Variants in TRIM23 observed in about 807,000 individuals in gnomAD.
TRIM23 encodes tripartite motif containing 23.
A neutral mutation model predicts 71.0 loss-of-function variants in TRIM23; 27 were observed. The observed-to-expected ratio is 0.38, with a 90% CI of 0.28 to 0.52. The LOEUF (loss-of-function observed/expected upper bound fraction) is 0.52, where lower values mean the gene tolerates loss of function less well. TRIM23 is among the 20% of genes least tolerant of loss of function. The probability of loss-of-function intolerance (pLI) is 0.84; values close to 1 mark genes in which losing one functional copy is unlikely to be tolerated. For missense variants in TRIM23, 482 were observed against 692.3 expected (o/e 0.70, Z 3.41); for synonymous variants, 234 against 238.0 (o/e 0.98, Z 0.16).
intron 7 of TRIM23, chr5:65,604,671 C>T: frequency 2.8e-6 from 1 of 351,460 alleles, no homozygotes; most frequent in East Asian, 4.6e-5. Flanking sequence ...AAAAATATGG[C>T]ACACTTCACA....
intron 7 of TRIM23, among the ~76,000 whole-genome samples, chr5:65,603,048 T>A (rs1182894177): frequency 6.6e-6 from 1 of 152,148 alleles, no homozygotes. Context: ...CCAAGTGGAA[T>A]AAGCCAGCCA....
intron 6 of TRIM23, among the ~76,000 whole-genome samples, chr5:65,605,934 A>T (rs933730739): frequency 1.3e-5 from 2 of 152,220 alleles, no homozygotes; most frequent in African/African-American, 4.8e-5. Context: ...CCTTTTGAAC[A>T]TCCAGAATCT....
intron 3 of TRIM23, chr5:65,613,768 CT>C: frequency 8.1e-7 from 1 of 1,239,166 alleles, no homozygotes; most frequent in Non-Finnish European, 1.0e-6. Context: ...CTGTTGACTA[CT>C]TTTGCATCCT....
chr5:65,617,211 CA>C (rs35189303), intron 2 of TRIM23, among the ~76,000 whole-genome samples: 1 of 151,972 alleles, frequency 6.6e-6, no homozygotes, highest in Non-Finnish European at 1.5e-5. Context: ...CAAAGATCAC[CA>C]AAACCTTAAA....
Position 65,590,266 on chromosome 5 carries a change from G to A in TRIM23, c.*1503C>T. 2 of 1,152,866 alleles carry A rather than the reference G, an allele frequency of 1.7e-6. No individual in the cohort carries two copies. Among genetic ancestry groups the A allele is most frequent in the South Asian group, 1.5e-5 (1 of 67,656 alleles). 71.4% of individuals were successfully genotyped at this position (1,152,866 alleles called of 1,614,324 possible). ...AATTTAATTCGGAAGTATTATTTAT[G>A]CACACAAACTACACCTGTAACAGCA... On this transcript the variant is annotated 3_prime_UTR_variant, in exon 11 of 11. Transcript: ENST00000231524.
chr5:65,610,823 A>G (rs767450837), intron 5 of TRIM23, 38 bp downstream of exon 5: 13 of 1,514,838 alleles, frequency 8.6e-6, no homozygotes, highest in Non-Finnish European at 1.2e-5. Flanking sequence ...TGAAAAATAA[A>G]AAAGAATGAG....
intron 10 of TRIM23, among the ~76,000 whole-genome samples, chr5:65,593,024 G>A (rs1354068826): frequency 6.6e-6 from 1 of 151,578 alleles, no homozygotes; most frequent in African/African-American, 2.4e-5. Flanking sequence ...AAAATTATCT[G>A]TAGGATAACC....
chr5:65,594,863 T>C (rs764760560), intron 9 of TRIM23, among the ~76,000 whole-genome samples: 2 of 152,204 alleles, frequency 1.3e-5, no homozygotes, highest in Non-Finnish European at 2.9e-5. Context: ...TTTCCCCATC[T>C]AGGAAAGGAT....
rs766542618 is a variant in TRIM23, at chr5:65,624,287, A to G, written c.-13T>C. On this transcript the variant is annotated 5_prime_UTR_variant, in exon 1 of 11. Coordinates refer to ENST00000231524, the MANE Select transcript of TRIM23 (RefSeq NM_001656.4). The stretch of plus-strand genomic sequence containing the variant: ...CCAGGGTAGCCATCCTCGCAGGGGA[A>G]GCGCCACAGAAACAGCCTTCAGAGT... 25 of 1,613,628 alleles carry G rather than the reference A, an allele frequency of 1.5e-5. No individual in the cohort carries two copies. The highest frequency in any genetic ancestry group is 2.1e-5 in the Non-Finnish European group (25 of 1,179,956).
intron 7 of TRIM23, among the ~76,000 whole-genome samples, chr5:65,601,985 G>A (rs1346636810): frequency 1.3e-5 from 2 of 152,200 alleles, no homozygotes; most frequent in Admixed American, 6.5e-5. Context: ...CCTGTGATGG[G>A]AGGGGCTGCC....
chr5:65,597,764 CAACT>C (rs990290656), intron 7 of TRIM23, among the ~76,000 whole-genome samples: 1 of 152,070 alleles, frequency 6.6e-6, no homozygotes, highest in African/African-American at 2.4e-5. Context: ...ACTAAACCCC[CAACT>C]GATAGATTTT....
chr5:65,610,897 G>A lies in TRIM23; in HGVS notation c.792C>T (p.Ile264=), dbSNP rs745386520. 8 of 1,611,484 alleles carry A rather than the reference G, an allele frequency of 5.0e-6. No homozygotes were observed. The highest frequency in any genetic ancestry group is 3.4e-5 in the Admixed American group (2 of 59,296). ...IVQHIEGGEQ[I]VEDGIGMAHT... The stretch of plus-strand genomic sequence containing the variant: ...GAGCCATTCCAATTCCATCTTCCAC[G>A]ATTTGTTCTCCTCCTTCAATGTGCT... The change falls in exon 5 of 11, where the codon ATC becomes ATT. Residue 264 remains isoleucine (I), a synonymous_variant. Transcript: ENST00000231524.
chr5:65,617,644 T>C (rs940222791), intron 2 of TRIM23, among the ~76,000 whole-genome samples: 5 of 152,172 alleles, frequency 3.3e-5, no homozygotes, highest in Admixed American at 6.5e-5. Flanking sequence ...TAAAGAGTAA[T>C]TATCACAAGC....
intron 1 of TRIM23, among the ~76,000 whole-genome samples, chr5:65,620,020 G>A (rs1016297172): frequency 1.3e-5 from 2 of 152,168 alleles, no homozygotes; most frequent in African/African-American, 4.8e-5. Flanking sequence ...GGGAGGCGGA[G>A]GTTGCAGTGA....
rs10644434 is a variant in TRIM23, at chr5:65,591,645, TTA to T, written c.*122_*123del. ...ACTGAATTCCCAATCCAAGATTCCT[TTA>T]TATATATATATATATATATGCATCC... On this transcript the variant is annotated 3_prime_UTR_variant, in exon 11 of 11. Transcript: ENST00000231524. 27,424 of 694,666 alleles carry T rather than the reference TTA, an allele frequency of 0.039. 112 individuals carry two copies. The highest frequency in any genetic ancestry group is 0.082 in the East Asian group (1,695 of 20,706). 43.0% of individuals were successfully genotyped at this position (694,666 alleles called of 1,614,324 possible).
Position 65,590,513 on chromosome 5 carries a change from T to C in TRIM23, c.*1256A>G. On this transcript the variant is annotated 3_prime_UTR_variant, in exon 11 of 11. Coordinates refer to ENST00000231524, the MANE Select transcript of TRIM23 (RefSeq NM_001656.4). ...TTACAACAATTCAACTAATAAGATTTAAGATTTAACTTCATCCTAATGTAT... is the reference window on the plus strand; with the variant it reads ...TTACAACAATTCAACTAATAAGATTCAAGATTTAACTTCATCCTAATGTAT... The C allele has an allele frequency of 8.5e-7, 1 of 1,182,818 alleles. No homozygotes were observed. Among genetic ancestry groups the C allele is most frequent in the Non-Finnish European group, 1.1e-6 (1 of 947,392 alleles). 73.3% of individuals were successfully genotyped at this position (1,182,818 alleles called of 1,614,324 possible).
chr5:65,600,945 C>A (rs1295470146), intron 7 of TRIM23, among the ~76,000 whole-genome samples: 5 of 152,312 alleles, frequency 3.3e-5, no homozygotes, highest in African/African-American at 1.2e-4. Flanking sequence ...AATAAGGTAT[C>A]ATTTCAAACC....
At chr5:65,596,810 C>A (rs1416722990) in intron 8 of TRIM23, among the ~76,000 whole-genome samples, 1 of 152,086 alleles carries the variant, frequency 6.6e-6, no homozygotes, top group Non-Finnish European at 1.5e-5. Context: ...ACACCCTCAG[C>A]CAGGATCACC....
chr5:65,610,175 T>C (rs1754614970), intron 5 of TRIM23, among the ~76,000 whole-genome samples: 1 of 152,240 alleles, frequency 6.6e-6, no homozygotes, highest in African/African-American at 2.4e-5. Context: ...TCTAGTATTT[T>C]AACTAGAAAA....
Sources: allele counts gnomAD v4.1 joint callset (sites outside exome capture counted in the v4.1 genomes callset), GRCh38; gene constraint gnomAD v4.1.1; transcripts MANE v1.5; gene names NCBI Gene and HGNC (gene_info 2026-07-23, HGNC 2026-07-21).